Variants in FSTL5 observed in about 807,000 individuals in gnomAD.
FSTL5 encodes the protein follistatin like 5.
In FSTL5, 62 loss-of-function variants were observed where a neutral mutation model predicts 89.1. That is an observed-to-expected ratio of 0.70 (90% CI 0.57 to 0.86). FSTL5 has a LOEUF of 0.86. Ranked by LOEUF, FSTL5 falls within the 40% of genes least tolerant of loss-of-function variation. The pLI, the probability that FSTL5 is intolerant of heterozygous loss-of-function variation, is 0.00. For missense variants in FSTL5, 1,057 were observed against 1,001.6 expected (o/e 1.06, Z -0.75); for synonymous variants, 383 against 346.2 (o/e 1.11, Z -1.18).
chr4:161,564,996 T>C (rs542011465), intron 8 of FSTL5, among the ~76,000 whole-genome samples: 1 of 152,038 alleles, frequency 6.6e-6, no homozygotes, highest in South Asian at 2.1e-4. Flanking sequence ...AAATTATATG[T>C]ATTTTGTTAT....
chr4:161,464,951 A>T (rs1417936726), intron 13 of FSTL5, among the ~76,000 whole-genome samples: 1 of 152,126 alleles, frequency 6.6e-6, no homozygotes, highest in Non-Finnish European at 1.5e-5. Context: ...AATTTCAAAA[A>T]TTTAATTTTC....
rs569062731 is a variant in FSTL5, at chr4:161,989,501, T to C, written c.160+44124A>G. ...TCAAATACTAGACAAAGCATAGCTA[T>C]GGAATCAAACTTAAATAAAAAGATG... is the stretch of plus-strand genomic sequence containing the variant. On this transcript the variant is annotated intron_variant, in intron 3 of 15. Coordinates refer to ENST00000306100, the MANE Select transcript of FSTL5 (RefSeq NM_020116.5). Among the ~76,000 whole-genome samples, 114 of 152,172 alleles carry C rather than the reference T, an allele frequency of 7.5e-4. 1 individual carries two copies. The highest frequency in any genetic ancestry group is 2.7e-3 in the African/African-American group (111 of 41,570).
At chr4:161,927,285 A>G (rs1247158249) in intron 3 of FSTL5, among the ~76,000 whole-genome samples, 2 of 151,756 alleles carry the variant, frequency 1.3e-5, no homozygotes, top group Admixed American at 6.6e-5. Context: ...TTTGGAATAA[A>G]CCCAACACTT....
intron 2 of FSTL5, among the ~76,000 whole-genome samples, chr4:162,110,171 T>C (rs1329042163): frequency 6.6e-6 from 1 of 152,062 alleles, no homozygotes; most frequent in Non-Finnish European, 1.5e-5. Flanking sequence ...GACTATCGAA[T>C]CTATCCTTCA....
At chr4:162,118,696 C>T (rs1200308210) in intron 1 of FSTL5, among the ~76,000 whole-genome samples, 1 of 152,034 alleles carries the variant, frequency 6.6e-6, no homozygotes. Context: ...CCATTTACAA[C>T]AAAAACAAGG....
intron 4 of FSTL5, among the ~76,000 whole-genome samples, chr4:161,871,159 T>C (rs1265968987): frequency 6.6e-6 from 1 of 152,098 alleles, no homozygotes; most frequent in Non-Finnish European, 1.5e-5. Flanking sequence ...TGACTCTACT[T>C]CAGTTTATTT....
chr4:161,502,909 T>C (rs1028272765), intron 11 of FSTL5, among the ~76,000 whole-genome samples: 1 of 151,780 alleles, frequency 6.6e-6, no homozygotes, highest in Non-Finnish European at 1.5e-5. Flanking sequence ...ATTCATTAGC[T>C]TTATGTGTAA....
Position 161,459,203 on chromosome 4 carries a change from T to A in FSTL5, c.1716+9A>T. ...TGTTATTTTCTCTAATATACTGAAATGTACTTACCTGTAGTGTTGGTGATG... is the reference window on the plus strand; with the variant it reads ...TGTTATTTTCTCTAATATACTGAAAAGTACTTACCTGTAGTGTTGGTGATG... On this transcript the variant is annotated intron_variant, in intron 14 of 15. Coordinates refer to ENST00000306100, the MANE Select transcript of FSTL5 (RefSeq NM_020116.5). 7.0e-7 allele frequency: 1 copy of A among 1,423,802 alleles called. No individual in the cohort carries two copies. The allele number at this position is 1,423,802 out of a possible 1,614,324, so 88.2% of individuals were successfully genotyped here.
intron 10 of FSTL5, among the ~76,000 whole-genome samples, chr4:161,524,338 T>C (rs895140876): frequency 6.6e-6 from 1 of 152,122 alleles, no homozygotes; most frequent in East Asian, 1.9e-4. Context: ...TGATGTCTCA[T>C]GCCTCCCTAG....
intron 6 of FSTL5, among the ~76,000 whole-genome samples, chr4:161,686,304 C>CCA (rs1737713128): frequency 2.0e-5 from 1 of 49,796 alleles, no homozygotes; most frequent in African/African-American, 8.5e-5. Context: ...TTCTCCTTTG[C>CCA]CATATATATA....
intron 4 of FSTL5, among the ~76,000 whole-genome samples, chr4:161,785,175 C>T (rs1403731827): frequency 6.6e-6 from 1 of 152,112 alleles, no homozygotes; most frequent in East Asian, 1.9e-4. Flanking sequence ...ATGGTAAGCA[C>T]ATATCTCAAA....
At chr4:161,979,273 G>A (rs543061848) in intron 3 of FSTL5, among the ~76,000 whole-genome samples, 5 of 152,218 alleles carry the variant, frequency 3.3e-5, no homozygotes, top group South Asian at 2.1e-4. Flanking sequence ...GAAACATGTG[G>A]CATAGATTTG....
chr4:161,511,991 A>G (rs1024901473), intron 10 of FSTL5, among the ~76,000 whole-genome samples: 3 of 152,102 alleles, frequency 2.0e-5, no homozygotes, highest in South Asian at 4.1e-4. Flanking sequence ...TTCAAGGTAT[A>G]TCAACCAGAA....
intron 15 of FSTL5, among the ~76,000 whole-genome samples, chr4:161,451,666 G>GATGTA (rs1248464895): frequency 6.6e-6 from 1 of 152,208 alleles, no homozygotes; most frequent in African/African-American, 2.4e-5. Flanking sequence ...TCTGACAGCA[G>GATGTA]ATGTAAATTC....
At chr4:161,744,130 T>A (rs1309904747) in intron 6 of FSTL5, among the ~76,000 whole-genome samples, 1 of 152,054 alleles carries the variant, frequency 6.6e-6, no homozygotes, top group East Asian at 1.9e-4. Context: ...AGATGCTTTG[T>A]GCACACTACA....
At chr4:161,426,084 C>T (rs1286494047) in intron 15 of FSTL5, among the ~76,000 whole-genome samples, 1 of 152,032 alleles carries the variant, frequency 6.6e-6, no homozygotes, top group Non-Finnish European at 1.5e-5. Context: ...ATCCATACTA[C>T]TTGCTTAATA....
intron 4 of FSTL5, among the ~76,000 whole-genome samples, chr4:161,828,554 T>C (rs972619081): frequency 1.3e-5 from 2 of 152,220 alleles, no homozygotes; most frequent in African/African-American, 2.4e-5. Flanking sequence ...TAAAGTGTTA[T>C]ACTTGGGAAG....
intron 4 of FSTL5, among the ~76,000 whole-genome samples, chr4:161,888,319 G>C (rs559930307): frequency 6.6e-6 from 1 of 152,138 alleles, no homozygotes; most frequent in Admixed American, 6.5e-5. Flanking sequence ...TTGGTGAATG[G>C]AGAAGACCCA....
chr4:161,701,644 A>T (rs1738395289), intron 6 of FSTL5, among the ~76,000 whole-genome samples: 2 of 152,206 alleles, frequency 1.3e-5, no homozygotes, highest in South Asian at 4.1e-4. Flanking sequence ...TGTAGTGACC[A>T]TTCATCCTGA....
Sources: gnomAD v4.1 joint callset for allele counts (sites outside exome capture counted in the v4.1 genomes callset) on GRCh38, gnomAD v4.1.1 for gene constraint, MANE v1.5 for transcripts, NCBI Gene and HGNC (gene_info 2026-07-23, HGNC 2026-07-21) for gene names.